Variants in PPFIBP1 observed in about 807,000 individuals in gnomAD.
The protein encoded by PPFIBP1 is liprin-beta-1.
A neutral mutation model predicts 137.8 loss-of-function variants in PPFIBP1; 112 were observed. That is an observed-to-expected ratio of 0.81 (90% CI 0.70 to 0.95). The LOEUF is 0.95. PPFIBP1 is among the 40% of genes least tolerant of loss of function. PPFIBP1 has a pLI of 0.00. For missense variants in PPFIBP1, 1,083 were observed against 1,196.6 expected (o/e 0.91, Z 1.40); for synonymous variants, 378 against 417.3 (o/e 0.91, Z 1.15).
chr12:27,529,857 T>C (rs537265559), intron 1 of PPFIBP1, among the ~76,000 whole-genome samples: 15 of 152,256 alleles, frequency 9.9e-5, no homozygotes, highest in Non-Finnish European at 2.1e-4. Flanking sequence ...TATGCAGTAA[T>C]ACTGTACCAT....
intron 24 of PPFIBP1, 28 bp downstream of exon 24, chr12:27,682,731 G>A (rs1431847653): frequency 6.2e-7 from 1 of 1,612,940 alleles, no homozygotes; most frequent in South Asian, 1.1e-5. Flanking sequence ...GGGGTTTGGG[G>A]GAGGAAAACT....
At chr12:27,610,765 G>C (rs1378483147) in intron 2 of PPFIBP1, among the ~76,000 whole-genome samples, 1 of 152,082 alleles carries the variant, frequency 6.6e-6, no homozygotes, top group Non-Finnish European at 1.5e-5. Flanking sequence ...ACCTCTCCCT[G>C]AACAAACACT....
intron 22 of PPFIBP1, 126 bp downstream of exon 22, chr12:27,681,822 G>C (rs1389792707): frequency 1.3e-5 from 15 of 1,119,184 alleles, no homozygotes; most frequent in Non-Finnish European, 1.8e-5. Context: ...ACAAAAGTTT[G>C]GGTTTTCAAT....
chr12:27,599,059 A>C (rs2053661754), intron 2 of PPFIBP1, among the ~76,000 whole-genome samples: 1 of 152,216 alleles, frequency 6.6e-6, no homozygotes, highest in African/African-American at 2.4e-5. Flanking sequence ...GGGATTTGGA[A>C]CCTAAATATA....
intron 2 of PPFIBP1, among the ~76,000 whole-genome samples, chr12:27,583,973 G>A (rs1420748304): frequency 6.6e-6 from 1 of 151,958 alleles, no homozygotes; most frequent in East Asian, 1.9e-4. Context: ...TTCTTTTTTT[G>A]TGGTAGTTGT....
In PPFIBP1 at chr12:27,598,002, A is replaced by G. The variant is rs557979498; in HGVS notation, c.-36+19763A>G. ...TGTTTTTTAGTAGAGACGGGGTTTC[A>G]CCATGTCAGCCAGGCTGGTGTCAAA... On this transcript the variant is annotated intron_variant, in intron 2 of 29. Transcript: ENST00000228425. Among the ~76,000 whole-genome samples, 196 of 152,078 alleles carry G rather than the reference A, an allele frequency of 1.3e-3. 1 individual carries two copies. Among genetic ancestry groups the G allele is most frequent in the African/African-American group, 4.4e-3 (183 of 41,504 alleles).
intron 2 of PPFIBP1, among the ~76,000 whole-genome samples, chr12:27,589,669 A>G (rs2052240021): frequency 6.6e-6 from 1 of 152,232 alleles, no homozygotes; most frequent in South Asian, 2.1e-4. Context: ...TATGTCAGAA[A>G]TCTTACTAAA....
intron 4 of PPFIBP1, among the ~76,000 whole-genome samples, chr12:27,639,016 G>A (rs1029926767): frequency 6.6e-6 from 1 of 152,154 alleles, no homozygotes; most frequent in Admixed American, 6.5e-5. Context: ...TTTCTTGTAG[G>A]ATGCAGGTTA....
chr12:27,667,037 A>G (rs929001534), intron 12 of PPFIBP1, 129 bp from the exon 13 acceptor site: 6 of 942,896 alleles, frequency 6.4e-6, no homozygotes, highest in Non-Finnish European at 7.5e-6. Flanking sequence ...TGCCAGGAGA[A>G]GCTGACTCTG....
chr12:27,671,733 AAG>A (rs1383748166), intron 14 of PPFIBP1, among the ~76,000 whole-genome samples, 187 bp downstream of exon 14: 3 of 152,180 alleles, frequency 2.0e-5, no homozygotes, highest in Non-Finnish European at 4.4e-5. Flanking sequence ...AGGAAATAAT[AAG>A]AGATCAGGCT....
At chr12:27,674,811 A>ATTTTTTTTT (rs72418237) in intron 17 of PPFIBP1, among the ~76,000 whole-genome samples, 9 of 108,708 alleles carry the variant, frequency 8.3e-5, no homozygotes, top group Admixed American at 1.1e-4. Context: ...CTTTCCCCTG[A>ATTTTTTTTT]TTTTTTTTTT....
intron 7 of PPFIBP1, among the ~76,000 whole-genome samples, chr12:27,653,617 A>C (rs1490329048): frequency 6.8e-6 from 1 of 147,934 alleles, no homozygotes; most frequent in African/African-American, 2.5e-5. Flanking sequence ...AAGGAGAGGG[A>C]GAGAGAAGCA....
In PPFIBP1 at chr12:27,678,878, A is replaced by C. The variant is rs961810487; in HGVS notation, c.1616-611A>C. On this transcript the variant is annotated intron_variant, in intron 19 of 29. Transcript: ENST00000228425. ...TCTCAAAAAAAAAAAAAAAAAAAAA[A>C]AAACATTTAAGAGAGAAAAAGACTC... 1.4e-5 allele frequency among the ~76,000 whole-genome samples: 2 copies of C among 146,016 alleles called. 1 individual carries two copies. The highest frequency in any genetic ancestry group is 4.0e-4 in the East Asian group (2 of 5,058).
At chr12:27,563,277 TAAA>T (rs869044515) in intron 1 of PPFIBP1, among the ~76,000 whole-genome samples, 5 of 22,174 alleles carry the variant, frequency 2.3e-4, no homozygotes, top group Admixed American at 9.5e-4. Flanking sequence ...CCATCTCTAC[TAAA>T]AAAAAAAAAA....
chr12:27,567,873 T>C (rs764204566), intron 1 of PPFIBP1, among the ~76,000 whole-genome samples: 7 of 152,088 alleles, frequency 4.6e-5, no homozygotes, highest in Non-Finnish European at 1.0e-4. Flanking sequence ...TAAGTTTATA[T>C]CCCATATCAT....
At chr12:27,632,691 C>T (rs1307359632) in intron 2 of PPFIBP1, among the ~76,000 whole-genome samples, 1 of 152,194 alleles carries the variant, frequency 6.6e-6, no homozygotes, top group Non-Finnish European at 1.5e-5. Context: ...AAAAATCAAA[C>T]ATCTTTTATC....
intron 1 of PPFIBP1, among the ~76,000 whole-genome samples, chr12:27,572,441 A>G (rs546816416): frequency 3.3e-5 from 5 of 152,352 alleles, no homozygotes; most frequent in African/African-American, 1.2e-4. Flanking sequence ...ATTGCTCAGA[A>G]TCTTTGAATT....
chr12:27,628,946 CT>C (rs1222517863), intron 2 of PPFIBP1, among the ~76,000 whole-genome samples: 2 of 152,170 alleles, frequency 1.3e-5, no homozygotes, highest in East Asian at 1.9e-4. Flanking sequence ...AGAATTTGCT[CT>C]TTCTAGGGGG....
intron 2 of PPFIBP1, among the ~76,000 whole-genome samples, chr12:27,618,219 T>C (rs1311742606): frequency 1.3e-5 from 2 of 152,226 alleles, no homozygotes; most frequent in African/African-American, 4.8e-5. Context: ...ATGATCACCA[T>C]GGTAAGTGTA....
Sources: gnomAD v4.1 joint callset for allele counts (sites outside exome capture counted in the v4.1 genomes callset) on GRCh38, gnomAD v4.1.1 for gene constraint, MANE v1.5 for transcripts, NCBI Gene and HGNC (gene_info 2026-07-23, HGNC 2026-07-21) for gene names.